Variants in RERE observed in about 807,000 individuals in gnomAD.
RERE encodes arginine-glutamic acid dipeptide repeats.
Under a neutral mutation model 146.1 loss-of-function variants are expected in RERE, and 40 were observed. That is an observed-to-expected ratio of 0.27 (90% CI 0.21 to 0.36). The LOEUF is 0.36. RERE is among the 10% of genes least tolerant of loss of function. The pLI is 1.00. For missense variants in RERE, 1,933 were observed against 2,138.7 expected (o/e 0.90, Z 1.90); for synonymous variants, 1,003 against 866.0 (o/e 1.16, Z -2.78).
At chr1:8,692,481 C>A (rs756446197) in intron 1 of RERE, among the ~76,000 whole-genome samples, 1 of 151,704 alleles carries the variant, frequency 6.6e-6, no homozygotes, top group Middle Eastern at 3.2e-3. Context: ...CGAGTAGCTG[C>A]GACTAGAGGC....
intron 13 of RERE, among the ~76,000 whole-genome samples, chr1:8,365,604 G>A (rs1389125500): frequency 6.6e-6 from 1 of 152,200 alleles, no homozygotes; most frequent in Admixed American, 6.5e-5. Flanking sequence ...TACAAATAAT[G>A]TTTTAAAGTC....
At chr1:8,735,819 C>T (rs1356102516) in intron 1 of RERE, among the ~76,000 whole-genome samples, 2 of 152,024 alleles carry the variant, frequency 1.3e-5, no homozygotes, top group South Asian at 2.1e-4. Flanking sequence ...TGCCTTCCAC[C>T]GTGAGTAAAA....
intron 2 of RERE, among the ~76,000 whole-genome samples, chr1:8,644,098 A>G (rs1374059093): frequency 1.3e-5 from 2 of 152,208 alleles, no homozygotes; most frequent in African/African-American, 4.8e-5. Flanking sequence ...ACAAGGTCTC[A>G]TGGCCAGCCC....
At chr1:8,615,979 T>C (rs1646848402) in intron 3 of RERE, among the ~76,000 whole-genome samples, 1 of 152,190 alleles carries the variant, frequency 6.6e-6, no homozygotes, top group South Asian at 2.1e-4. Flanking sequence ...TGACAGAGTG[T>C]CAGTAGCCAC....
In RERE at chr1:8,364,665, C is replaced by A; in HGVS notation, c.1540+81G>T. ...ATCAAGTACTGTCCCTGGCAGGTTT[C>A]CAGCTGGATGCATGAAATGTTCAGA... is the stretch of plus-strand genomic sequence containing the variant. On this transcript the variant is annotated intron_variant, in intron 14 of 22. Coordinates refer to ENST00000400908, the MANE Select transcript of RERE (RefSeq NM_001042681.2). This position sits in a 1 kb window ranked among gnomAD's most constrained non-coding sequence, Gnocchi z 5.1. 1 of 1,010,522 alleles carries A rather than the reference C, an allele frequency of 9.9e-7. No homozygotes were observed. Among genetic ancestry groups the A allele is most frequent in the Non-Finnish European group, 1.6e-6 (1 of 638,626 alleles). 62.6% of individuals were successfully genotyped at this position (1,010,522 alleles called of 1,614,324 possible).
intron 4 of RERE, among the ~76,000 whole-genome samples, chr1:8,574,187 T>C (rs1381943955): frequency 6.6e-6 from 1 of 152,134 alleles, no homozygotes; most frequent in Non-Finnish European, 1.5e-5. Flanking sequence ...CCACAGACTA[T>C]TTAGAAGAAT....
intron 1 of RERE, among the ~76,000 whole-genome samples, chr1:8,747,488 T>C (rs1013143233): frequency 1.3e-5 from 2 of 151,766 alleles, no homozygotes; most frequent in Non-Finnish European, 2.9e-5. Context: ...AACACCCTAA[T>C]TTTTTTTGCT....
chr1:8,697,660 T>A (rs1048332266), intron 1 of RERE, among the ~76,000 whole-genome samples: 5 of 152,184 alleles, frequency 3.3e-5, no homozygotes, highest in Admixed American at 1.3e-4. Context: ...AGTGCTGGGA[T>A]TACAGGCGCG....
rs150225813 is a variant in RERE at position 8,598,466 on chromosome 1, G to A, written c.522+16095C>T. Among the ~76,000 whole-genome samples, 50 of 152,280 alleles carry A rather than the reference G, an allele frequency of 3.3e-4. No homozygotes were observed. In the East Asian group the frequency reaches 8.3e-3, roughly 25 times the overall value. On this transcript the variant is annotated intron_variant, in intron 4 of 22. Transcript: ENST00000400908. ...GGGTTGCACCGTTCTGAGGCAGCAC[G>A]GTTCTCTCCAATGACTCTCACACAG...
chr1:8,730,381 T>A (rs558887125), intron 1 of RERE, among the ~76,000 whole-genome samples: 1 of 152,284 alleles, frequency 6.6e-6, no homozygotes, highest in African/African-American at 2.4e-5. Context: ...CTCGCTCTGT[T>A]GCCCAGGCTG....
intron 1 of RERE, among the ~76,000 whole-genome samples, chr1:8,749,254 G>A (rs1640481984): frequency 6.6e-6 from 1 of 152,128 alleles, no homozygotes; most frequent in Non-Finnish European, 1.5e-5. Context: ...ATATGTGAAG[G>A]AGATCATTGT....
At chr1:8,682,909 A>G (rs1000189395) in intron 1 of RERE, among the ~76,000 whole-genome samples, 1 of 151,822 alleles carries the variant, frequency 6.6e-6, no homozygotes, top group African/African-American at 2.4e-5. Context: ...AACAGATTCA[A>G]TGATGGGAAA....
chr1:8,814,686 TTTGA>T (rs1190597664), intron 1 of RERE, among the ~76,000 whole-genome samples: 1 of 152,210 alleles, frequency 6.6e-6, no homozygotes, highest in Non-Finnish European at 1.5e-5. Flanking sequence ...AGTAGGTTTA[TTTGA>T]TTTTTTATTA....
At chr1:8,428,785 G>GAATAAA (rs1348231945) in intron 11 of RERE, among the ~76,000 whole-genome samples, 2 of 152,012 alleles carry the variant, frequency 1.3e-5, no homozygotes, top group South Asian at 2.1e-4. Context: ...AGCTATATTG[G>GAATAAA]AATAAAAATA....
chr1:8,379,289 T>TGGGCC (rs796383568), intron 12 of RERE, among the ~76,000 whole-genome samples: 70 of 152,152 alleles, frequency 4.6e-4, no homozygotes, highest in African/African-American at 1.6e-3. Context: ...TCCATGGGGC[T>TGGGCC]GGGCCCGCCC....
intron 12 of RERE, among the ~76,000 whole-genome samples, chr1:8,376,392 G>T (rs1243919299): frequency 1.3e-5 from 2 of 152,180 alleles, no homozygotes; most frequent in African/African-American, 4.8e-5. Context: ...CCTGCTTGAA[G>T]CAACTTCAGG....
chr1:8,594,558 T>C (rs1646532710), intron 4 of RERE, among the ~76,000 whole-genome samples: 1 of 152,158 alleles, frequency 6.6e-6, no homozygotes, highest in Non-Finnish European at 1.5e-5. Context: ...TAGCCAGCAA[T>C]ATAGCAAGTG....
rs369901174 is a variant in RERE at position 8,639,239 on chromosome 1, C to A, written c.326-14859G>T. On this transcript the variant is annotated intron_variant, in intron 2 of 22. Coordinates refer to ENST00000400908, the MANE Select transcript of RERE (RefSeq NM_001042681.2). ...CTGAAAAGGGTGCTGGAAATCCGTA[C>A]GTTCATGTATCAGATGCCACAGCAC... is the stretch of plus-strand genomic sequence containing the variant. Among the ~76,000 whole-genome samples the A allele has an allele frequency of 8.5e-5, 13 of 152,258 alleles. No individual in the cohort carries two copies. The South Asian group carries it at 2.3e-3, about 27-fold the overall frequency.
chr1:8,402,407 C>T, intron 12 of RERE, among the ~76,000 whole-genome samples: 1 of 152,202 alleles, frequency 6.6e-6, no homozygotes, highest in East Asian at 1.9e-4. Flanking sequence ...CCCCAGAAAT[C>T]ACGGCACAAA....
Sources: allele counts gnomAD v4.1 joint callset (sites outside exome capture counted in the v4.1 genomes callset), GRCh38; gene constraint gnomAD v4.1.1; non-coding constraint Gnocchi (gnomAD v3.1); transcripts MANE v1.5; gene names NCBI Gene and HGNC (gene_info 2026-07-23, HGNC 2026-07-21).